ZNF804A: variants seen among roughly 807,000 people sequenced by gnomAD.
ZNF804A encodes zinc finger protein 804A.
Under a neutral mutation model 16.5 loss-of-function variants are expected in ZNF804A, and 2 were observed. The observed-to-expected ratio is 0.12, with a 90% CI of 0.05 to 0.38. The LOEUF is 0.38. Among genes scored for constraint, ZNF804A ranks in the 10% least tolerant of loss-of-function variants. ZNF804A has a pLI of 0.99. For synonymous variants in ZNF804A, 534 were observed against 489.6 expected, an observed-to-expected ratio of 1.09 and a Z score of -1.20; for missense variants, 1,473 against 1,390.7, an observed-to-expected ratio of 1.06 and a Z score of -0.94.
intron 1 of ZNF804A, among the ~76,000 whole-genome samples, chr2:184,729,781 C>T (rs1176919953): frequency 6.6e-6 from 1 of 152,022 alleles, no homozygotes; most frequent in East Asian, 1.9e-4. Flanking sequence ...TGTGTCATGC[C>T]AACATAAAAC....
chr2:184,844,986 C>T (rs1695491725), intron 1 of ZNF804A, among the ~76,000 whole-genome samples: 1 of 151,770 alleles, frequency 6.6e-6, no homozygotes, highest in Admixed American at 6.6e-5. Flanking sequence ...ATTCTATTGG[C>T]ACATGGTCAA....
At chr2:184,816,640 C>T (rs551231779) in intron 1 of ZNF804A, among the ~76,000 whole-genome samples, 10 of 152,006 alleles carry the variant, frequency 6.6e-5, no homozygotes, top group South Asian at 2.1e-4. Flanking sequence ...ATTTATCAAC[C>T]GATCAATCAT....
chr2:184,866,920 G>A (rs1042829904), intron 2 of ZNF804A, among the ~76,000 whole-genome samples: 2 of 150,288 alleles, frequency 1.3e-5, no homozygotes, highest in African/African-American at 4.9e-5. Flanking sequence ...ATTTATCAAA[G>A]TTAAATAAAA....
intron 1 of ZNF804A, among the ~76,000 whole-genome samples, chr2:184,734,131 G>A (rs1693570737): frequency 1.3e-5 from 2 of 152,016 alleles, no homozygotes; most frequent in South Asian, 4.2e-4. Context: ...CTGGAGTGCA[G>A]TGGTCTGGTT....
intron 2 of ZNF804A, among the ~76,000 whole-genome samples, chr2:184,886,340 GCCTC>G (rs1684890387): frequency 6.6e-6 from 1 of 152,218 alleles, no homozygotes; most frequent in Non-Finnish European, 1.5e-5. Context: ...GTTGGGTACA[GCCTC>G]CCTCCCAGCT....
intron 1 of ZNF804A, among the ~76,000 whole-genome samples, chr2:184,739,043 A>C (rs889621127): frequency 9.2e-5 from 14 of 152,344 alleles, no homozygotes; most frequent in Admixed American, 3.3e-4. Context: ...TAGGATAAAC[A>C]ATAATAACTT....
In ZNF804A at chr2:184,710,107, A is replaced by G. The variant is rs144203339; in HGVS notation, c.111+111037A>G. On this transcript the variant is annotated intron_variant, in intron 1 of 3. Coordinates refer to ENST00000302277, the MANE Select transcript of ZNF804A (RefSeq NM_194250.2). ...AATACAATGGAAGAATCTCCAAGTTATTACCTTCAAAGTGGTCTTGTATTT... is the reference window on the plus strand; with the variant it reads ...AATACAATGGAAGAATCTCCAAGTTGTTACCTTCAAAGTGGTCTTGTATTT... Among the ~76,000 whole-genome samples, 42 of 151,370 alleles carry G rather than the reference A, an allele frequency of 2.8e-4. No homozygotes were observed. In the East Asian group the frequency reaches 7.7e-3, roughly 28 times the overall value.
At chr2:184,862,279 G>T (rs567810466) in intron 1 of ZNF804A, among the ~76,000 whole-genome samples, 1 of 152,168 alleles carries the variant, frequency 6.6e-6, no homozygotes, top group Non-Finnish European at 1.5e-5. Flanking sequence ...GTCATGGAAC[G>T]TGTCAGCCTA....
At chr2:184,825,391 T>C (rs895872039) in intron 1 of ZNF804A, among the ~76,000 whole-genome samples, 7 of 152,170 alleles carry the variant, frequency 4.6e-5, no homozygotes, top group East Asian at 3.8e-4. Flanking sequence ...AGAGGATACA[T>C]TGATGAATAA....
intron 1 of ZNF804A, among the ~76,000 whole-genome samples, chr2:184,719,540 G>A (rs2105741499): frequency 6.6e-6 from 1 of 152,162 alleles, no homozygotes; most frequent in East Asian, 1.9e-4. Context: ...TTAACAACAA[G>A]CAAGTCACCT....
intron 2 of ZNF804A, among the ~76,000 whole-genome samples, chr2:184,889,885 GA>G (rs1273616543): frequency 6.6e-6 from 1 of 151,988 alleles, no homozygotes; most frequent in African/African-American, 2.4e-5. Flanking sequence ...TACTAAGTAC[GA>G]AACTTAAACA....
intron 1 of ZNF804A, among the ~76,000 whole-genome samples, chr2:184,703,319 C>A (rs1397909236): frequency 1.3e-5 from 2 of 152,084 alleles, no homozygotes; most frequent in African/African-American, 4.8e-5. Context: ...AATAAACATA[C>A]CACAAACAAA....
chr2:184,806,763 A>C (rs982968343), intron 1 of ZNF804A, among the ~76,000 whole-genome samples: 3 of 151,818 alleles, frequency 2.0e-5, no homozygotes, highest in South Asian at 2.1e-4. Context: ...AGTACTAAAA[A>C]CCGTGCTACA....
At chr2:184,807,683 G>T (rs2105785296) in intron 1 of ZNF804A, among the ~76,000 whole-genome samples, 1 of 151,882 alleles carries the variant, frequency 6.6e-6, no homozygotes, top group South Asian at 2.1e-4. Context: ...AAGTCCCATA[G>T]AGTCTTTTTT....
chr2:184,783,342 G>A (rs1694401946), intron 1 of ZNF804A, among the ~76,000 whole-genome samples: 1 of 151,242 alleles, frequency 6.6e-6, no homozygotes. Context: ...AAACTAGGCA[G>A]ATATCTTTAT....
At chr2:184,899,857 G>A (rs558431675) in intron 2 of ZNF804A, among the ~76,000 whole-genome samples, 1 of 151,960 alleles carries the variant, frequency 6.6e-6, no homozygotes, top group South Asian at 2.1e-4. Flanking sequence ...CATTTAGATT[G>A]TCGTTTTTCT....
chr2:184,674,773 T>G (rs1241354450), intron 1 of ZNF804A, among the ~76,000 whole-genome samples: 1 of 107,958 alleles, frequency 9.3e-6, no homozygotes, highest in Admixed American at 9.4e-5. Flanking sequence ...TAAAGAAAAA[T>G]TATTTTAAAA....
At chr2:184,676,530 A>T (rs181044722) in intron 1 of ZNF804A, among the ~76,000 whole-genome samples, 1 of 151,858 alleles carries the variant, frequency 6.6e-6, no homozygotes, top group Non-Finnish European at 1.5e-5. Flanking sequence ...TGATGAAGAC[A>T]TTATTAAAAT....
At chr2:184,926,630 A>G (rs891972811) in intron 2 of ZNF804A, among the ~76,000 whole-genome samples, 3 of 152,106 alleles carry the variant, frequency 2.0e-5, no homozygotes, top group African/African-American at 7.2e-5. Context: ...ATTTAAGGCC[A>G]AAAACTCTTA....
Sources: gnomAD v4.1 joint callset for allele counts (sites outside exome capture counted in the v4.1 genomes callset) on GRCh38, gnomAD v4.1.1 for gene constraint, MANE v1.5 for transcripts, NCBI Gene and HGNC (gene_info 2026-07-23, HGNC 2026-07-21) for gene names.